Variants in SLCO4C1 observed in about 807,000 individuals in gnomAD.
SLCO4C1 encodes organic anion transporter M1.
In SLCO4C1, 58 loss-of-function variants were observed where a neutral mutation model predicts 72.1. The observed-to-expected ratio is 0.80, with a 90% confidence interval of 0.65 to 1.00. SLCO4C1 has a LOEUF of 1.00. Ranked by LOEUF, SLCO4C1 falls within the 50% of genes least tolerant of loss-of-function variation. The pLI, the probability that SLCO4C1 is intolerant of heterozygous loss-of-function variation, is 0.00. For missense variants in SLCO4C1, 898 were observed against 857.9 expected, an observed-to-expected ratio of 1.05 and a Z score of -0.58; for synonymous variants, 297 against 312.5, an observed-to-expected ratio of 0.95 and a Z score of 0.52.
chr5:102,277,806 A>T (rs1468390303), intron 2 of SLCO4C1, among the ~76,000 whole-genome samples: 2 of 152,092 alleles, frequency 1.3e-5, no homozygotes, highest in Non-Finnish European at 2.9e-5. Flanking sequence ...GACTATACTT[A>T]CATACATGTA....
chr5:102,254,596 C>T (rs1748799363), intron 8 of SLCO4C1, among the ~76,000 whole-genome samples: 1 of 152,108 alleles, frequency 6.6e-6, no homozygotes, highest in Admixed American at 6.6e-5. Flanking sequence ...CAACCACCAC[C>T]CTGGTCAGTC....
At chr5:102,293,976 T>A (rs1037174296) in intron 1 of SLCO4C1, among the ~76,000 whole-genome samples, 2 of 152,204 alleles carry the variant, frequency 1.3e-5, no homozygotes. Flanking sequence ...TGACACGATC[T>A]CGGTCCACTT....
At chr5:102,278,562 T>C (rs767657942) in intron 2 of SLCO4C1, among the ~76,000 whole-genome samples, 15 of 152,162 alleles carry the variant, frequency 9.9e-5, no homozygotes, top group Non-Finnish European at 7.4e-5. Context: ...ACAGAACATA[T>C]GCCAAGGCAG....
intron 2 of SLCO4C1, among the ~76,000 whole-genome samples, chr5:102,277,646 T>C (rs10042048): frequency 0.12 from 17,677 of 151,988 alleles, 1,224 homozygotes; most frequent in African/African-American, 0.15. Context: ...TCCTACTAGG[T>C]GTCAATTGAG....
At chr5:102,241,887 G>A (rs560456854) in intron 10 of SLCO4C1, among the ~76,000 whole-genome samples, 1 of 152,054 alleles carries the variant, frequency 6.6e-6, no homozygotes, top group South Asian at 2.1e-4. Flanking sequence ...AGAATCAAAA[G>A]TCAGGTGAGC....
chr5:102,258,069 C>G lies in SLCO4C1; in HGVS notation c.1147G>C (p.Val383Leu). ...GTTGATAGAACTAAACACATAAAGA[C>G]AGCATTCTTCATCAAATTCTAAAGA... ...AALKNLMKNA[V>L]FMCLVLSTSS... The change falls in exon 7 of 13, where the codon GTC becomes CTC. Residue 383 changes from valine (V) to leucine (L), a missense_variant. Physicochemically the swap from Val to Leu is conservative, Grantham distance 32. Coordinates refer to ENST00000310954, the MANE Select transcript of SLCO4C1 (RefSeq NM_180991.5). 1.9e-6 allele frequency: 3 copies of G among 1,555,328 alleles called. No individual in the cohort carries two copies. Among genetic ancestry groups the G allele is most frequent in the Non-Finnish European group, 2.6e-6 (3 of 1,158,490 alleles).
At chr5:102,256,151 C>T (rs1380522965) in intron 8 of SLCO4C1, among the ~76,000 whole-genome samples, 1 of 152,082 alleles carries the variant, frequency 6.6e-6, no homozygotes, top group Non-Finnish European at 1.5e-5. Flanking sequence ...TTGCCGTGAG[C>T]CAAGACTGTG....
rs528409583 is a variant in SLCO4C1, at chr5:102,278,220, T to C, written c.620-7414A>G. Among the ~76,000 whole-genome samples, 6 of 152,260 alleles carry C rather than the reference T, an allele frequency of 3.9e-5. No homozygotes were observed. In the South Asian group the frequency reaches 1.2e-3, roughly 32 times the overall value. On this transcript the variant is annotated intron_variant, in intron 2 of 12. Transcript: ENST00000310954. ...TAATGTAGGAGTAGCCATATTAATATCAGCTGAAACTGACTTTAGAGCAAA... is the reference window on the plus strand; with the variant it reads ...TAATGTAGGAGTAGCCATATTAATACCAGCTGAAACTGACTTTAGAGCAAA...
intron 12 of SLCO4C1, 54 bp downstream of exon 12, chr5:102,239,197 T>C: frequency 6.8e-7 from 1 of 1,464,964 alleles, no homozygotes; most frequent in Non-Finnish European, 9.0e-7. Flanking sequence ...AATGAGATTT[T>C]TTTTTTTTTA....
In SLCO4C1 at chr5:102,243,462, G is replaced by T. The variant is rs182912037; in HGVS notation, c.1812-2680C>A. Among the ~76,000 whole-genome samples, 147 of 152,338 alleles carry T rather than the reference G, an allele frequency of 9.6e-4. 1 individual carries two copies. The highest frequency in any genetic ancestry group is 3.4e-3 in the Middle Eastern group (1 of 294). On this transcript the variant is annotated intron_variant, in intron 10 of 12. Coordinates refer to ENST00000310954, the MANE Select transcript of SLCO4C1 (RefSeq NM_180991.5). ...AGTGGTGGTGGCCACAGAGGTGTTTGCATCACTCCACCTTCAGCTTTAGGT... is the reference window on the plus strand; with the variant it reads ...AGTGGTGGTGGCCACAGAGGTGTTTTCATCACTCCACCTTCAGCTTTAGGT...
chr5:102,235,723 T>C lies in SLCO4C1; in HGVS notation c.*1135A>G, dbSNP rs1748419612. ...TGCACACTCCATTGGGAACTGCACA[T>C]GCAAGGGATCTAGGTTGCACTCTCC... On this transcript the variant is annotated 3_prime_UTR_variant, in exon 13 of 13. Coordinates refer to ENST00000310954, the MANE Select transcript of SLCO4C1 (RefSeq NM_180991.5). 6.6e-6 allele frequency: 1 copy of C among 152,214 alleles called. No individual in the cohort carries two copies. The highest frequency in any genetic ancestry group is 1.5e-5 in the Non-Finnish European group (1 of 68,046). The allele number at this position is 152,214 out of a possible 1,614,324, so 9.4% of individuals were successfully genotyped here. A position where few individuals can be genotyped will look rare whatever the true frequency, so the allele number is the denominator to read the frequency against.
At chr5:102,290,383 C>G (rs1022663238) in intron 2 of SLCO4C1, among the ~76,000 whole-genome samples, 1 of 152,196 alleles carries the variant, frequency 6.6e-6, no homozygotes, top group Non-Finnish European at 1.5e-5. Flanking sequence ...TGGGAACAAA[C>G]AGAACTCACT....
intron 1 of SLCO4C1, among the ~76,000 whole-genome samples, chr5:102,292,404 T>C (rs1749574110): frequency 6.6e-6 from 1 of 152,090 alleles, no homozygotes; most frequent in Non-Finnish European, 1.5e-5. Flanking sequence ...TCCTTAAACA[T>C]ATTTATCTAT....
rs77849855 is a variant in SLCO4C1 at position 102,286,149 on chromosome 5, A to T, written c.619+5194T>A. ...TCTCTCTCAAATGCCAATAAAAAAA[A>T]AATTAGAAATTTAGTGCTACAGCTA... On this transcript the variant is annotated intron_variant, in intron 2 of 12. Transcript: ENST00000310954. Among the ~76,000 whole-genome samples the T allele has an allele frequency of 4.9e-3, 751 of 152,282 alleles. 3 individuals carry two copies. The highest frequency in any genetic ancestry group is 0.017 in the African/African-American group (713 of 41,570).
chr5:102,278,170 C>A (rs1029914293), intron 2 of SLCO4C1, among the ~76,000 whole-genome samples: 6 of 152,006 alleles, frequency 3.9e-5, no homozygotes, highest in Non-Finnish European at 8.8e-5. Flanking sequence ...GGGGAAAAAA[C>A]ATATCATCCA....
At chr5:102,270,465 T>C (rs1302805213) in intron 3 of SLCO4C1, among the ~76,000 whole-genome samples, 159 bp downstream of exon 3, 2 of 152,130 alleles carry the variant, frequency 1.3e-5, no homozygotes, top group Admixed American at 6.6e-5. Context: ...ACTGACATTA[T>C]TTGGCAGGAA....
chr5:102,277,145 A>G (rs1749261166), intron 2 of SLCO4C1, among the ~76,000 whole-genome samples: 1 of 152,156 alleles, frequency 6.6e-6, no homozygotes, highest in Admixed American at 6.6e-5. Flanking sequence ...TAGCCAAAAG[A>G]TCAAGAAAGA....
intron 3 of SLCO4C1, among the ~76,000 whole-genome samples, chr5:102,267,422 T>C (rs2112370583): frequency 6.6e-6 from 1 of 152,208 alleles, no homozygotes; most frequent in Non-Finnish European, 1.5e-5. Flanking sequence ...TATTTGTTAG[T>C]AAGACTAACA....
At position 102,296,163 on chromosome 5, in the gene SLCO4C1, CAG is replaced by C; in HGVS notation, c.98_99del (p.Ser33CysfsTer5). ...TCTCTTTGGGGGTCAGAGGACAAGG[CAG>C]AGACTTCGATTTGGGAGGGCGACGC... ...LSASPSQIEV[S>X]ALSSDPQREN... is the part of the protein sequence containing the mutation. On this transcript the variant is annotated frameshift_variant, in exon 1 of 13. Coordinates refer to ENST00000310954, the MANE Select transcript of SLCO4C1 (RefSeq NM_180991.5). LOFTEE classifies it high-confidence loss of function. 6.2e-7 allele frequency: 1 copy of C among 1,611,448 alleles called. No individual in the cohort carries two copies. The highest frequency in any genetic ancestry group is 8.5e-7 in the Non-Finnish European group (1 of 1,178,430).
Sources: allele counts gnomAD v4.1 joint callset (sites outside exome capture counted in the v4.1 genomes callset), GRCh38; gene constraint gnomAD v4.1.1; transcripts MANE v1.5; gene names NCBI Gene and HGNC (gene_info 2026-07-23, HGNC 2026-07-21).